VIRMA: variants seen among roughly 807,000 people sequenced by gnomAD.
VIRMA encodes vir like m6A methyltransferase associated.
In VIRMA, 65 loss-of-function variants were observed where a neutral mutation model predicts 182.4. The ratio of observed to expected loss-of-function variants is 0.36; its 90% CI spans 0.29 to 0.44. VIRMA has a LOEUF of 0.44. VIRMA is among the 20% of genes least tolerant of loss of function. The pLI is 1.00. For missense variants in VIRMA, 1,752 were observed against 2,158.1 expected, an observed-to-expected ratio of 0.81 and a Z score of 3.73; for synonymous variants, 709 against 743.1, an observed-to-expected ratio of 0.95 and a Z score of 0.75.
chr8:94,545,172 T>C (rs1815718959), intron 1 of VIRMA, among the ~76,000 whole-genome samples: 1 of 152,118 alleles, frequency 6.6e-6, no homozygotes, highest in South Asian at 2.1e-4. Flanking sequence ...ACAGCATAAA[T>C]TATATCTAGT....
intron 2 of VIRMA, among the ~76,000 whole-genome samples, chr8:94,540,799 G>GT (rs1815523207): frequency 1.3e-5 from 2 of 151,886 alleles, no homozygotes; most frequent in Admixed American, 6.6e-5. Flanking sequence ...TTGGACTTCA[G>GT]TATCTCAAGA....
At chr8:94,546,860 A>T in intron 1 of VIRMA, 1 of 454,004 alleles carries the variant, frequency 2.2e-6, no homozygotes, top group South Asian at 1.6e-5. Flanking sequence ...CCCTGATCTT[A>T]CTGTTGCCAA....
intron 8 of VIRMA, among the ~76,000 whole-genome samples, chr8:94,523,784 C>A (rs1303786595): frequency 6.7e-6 from 1 of 150,136 alleles, no homozygotes; most frequent in Non-Finnish European, 1.5e-5. Context: ...CATGCACCAC[C>A]ACACCTGGCT....
chr8:94,498,176 A>G (rs1042145793), intron 17 of VIRMA: 1 of 152,210 alleles, frequency 6.6e-6, no homozygotes, highest in Non-Finnish European at 1.5e-5. Flanking sequence ...CAAACTAAGT[A>G]AGGCAGGCAT....
chr8:94,539,709 T>C (rs185561806), intron 2 of VIRMA, among the ~76,000 whole-genome samples: 36 of 152,272 alleles, frequency 2.4e-4, no homozygotes, highest in Non-Finnish European at 4.7e-4. Context: ...CGTTTGAACG[T>C]ACCCCACAAA....
intron 8 of VIRMA, among the ~76,000 whole-genome samples, chr8:94,520,353 G>T (rs1157009463): frequency 6.6e-6 from 1 of 151,974 alleles, no homozygotes; most frequent in Non-Finnish European, 1.5e-5. Context: ...TAATTAGCTG[G>T]CCATGGTGGC....
intron 8 of VIRMA, among the ~76,000 whole-genome samples, chr8:94,525,139 C>T (rs184532295): frequency 2.6e-5 from 4 of 152,264 alleles, no homozygotes; most frequent in Admixed American, 2.0e-4. Context: ...AAAGGGTGCT[C>T]GGACCACAAG....
At chr8:94,540,458 TTTC>T (rs1182185670) in intron 2 of VIRMA, among the ~76,000 whole-genome samples, 2 of 140,040 alleles carry the variant, frequency 1.4e-5, no homozygotes, top group Non-Finnish European at 3.2e-5. Flanking sequence ...TTTTTCTTCT[TTTC>T]TTTTTTTTTT....
chr8:94,542,402 C>T (rs1815587212), intron 2 of VIRMA, among the ~76,000 whole-genome samples: 1 of 152,170 alleles, frequency 6.6e-6, no homozygotes, highest in South Asian at 2.1e-4. Context: ...GCAAATTCTT[C>T]AGCCCCAGTG....
intron 19 of VIRMA, 97 bp from the exon 20 acceptor site, chr8:94,495,053 C>T (rs926448013): frequency 1.0e-4 from 79 of 792,748 alleles, no homozygotes; most frequent in South Asian, 7.2e-4. Flanking sequence ...CCAGCTGGAG[C>T]GCAGTGGCAC....
At chr8:94,493,777 G>A (rs1813682460) in intron 20 of VIRMA, among the ~76,000 whole-genome samples, 1 of 152,138 alleles carries the variant, frequency 6.6e-6, no homozygotes, top group Non-Finnish European at 1.5e-5. Flanking sequence ...TATTGTATAT[G>A]ATGAACACCA....
chr8:94,496,527 A>G, intron 17 of VIRMA, 47 bp from the exon 18 acceptor site: 1 of 1,493,776 alleles, frequency 6.7e-7, no homozygotes, highest in South Asian at 1.2e-5. Context: ...AGAAATTTAC[A>G]AAGATGCATC....
chr8:94,541,314 G>T (rs1425619356), intron 2 of VIRMA, among the ~76,000 whole-genome samples: 2 of 151,738 alleles, frequency 1.3e-5, no homozygotes, highest in Non-Finnish European at 2.9e-5. Flanking sequence ...TAGAGATGAG[G>T]TCTCCAAACT....
At chr8:94,496,720 A>G (rs1813794357) in intron 17 of VIRMA, 1 of 358,284 alleles carries the variant, frequency 2.8e-6, no homozygotes, top group African/African-American at 2.1e-5. Context: ...AAGACTTTTC[A>G]ACAAAATACC....
intron 15 of VIRMA, among the ~76,000 whole-genome samples, chr8:94,509,398 T>C (rs1160126959): frequency 2.1e-5 from 3 of 142,950 alleles, no homozygotes; most frequent in Middle Eastern, 7.4e-3. Flanking sequence ...TGAGACCCCA[T>C]CTCAAAAAAA....
intron 10 of VIRMA, 82 bp downstream of exon 10, chr8:94,517,706 A>G (rs771284687): frequency 2.8e-4 from 271 of 970,188 alleles, no homozygotes; most frequent in Non-Finnish European, 3.7e-4. Context: ...TTATCGAAAC[A>G]TGATGAAGGA....
At chr8:94,510,737 GAAAAGAACA>G (rs1814338924) in intron 13 of VIRMA, 85 bp from the exon 14 acceptor site, 5 of 1,016,430 alleles carry the variant, frequency 4.9e-6, no homozygotes, top group Non-Finnish European at 7.4e-6. Flanking sequence ...GAAATGTTAT[GAAAAGAACA>G]TTTTTACTGC....
At chr8:94,529,631 ATTATTT>A (rs1025079519) in intron 6 of VIRMA, among the ~76,000 whole-genome samples, 1 of 145,122 alleles carries the variant, frequency 6.9e-6, no homozygotes, top group African/African-American at 2.5e-5. Flanking sequence ...TATTTTATTT[ATTATTT>A]TTATTTATTT....
At chr8:94,546,010 T>G (rs1228172759) in intron 1 of VIRMA, among the ~76,000 whole-genome samples, 3 of 143,734 alleles carry the variant, frequency 2.1e-5, no homozygotes. Context: ...TGAGTCGTGA[T>G]GGCACCACTG....
Sources: allele counts gnomAD v4.1 joint callset (sites outside exome capture counted in the v4.1 genomes callset), GRCh38; gene constraint gnomAD v4.1.1; transcripts MANE v1.5; gene names NCBI Gene and HGNC (gene_info 2026-07-23, HGNC 2026-07-21).